Variants in ADAMTSL1 observed in about 807,000 individuals in gnomAD.
ADAMTSL1 encodes ADAMTS-like protein 1.
A neutral mutation model predicts 201.8 loss-of-function variants in ADAMTSL1; 126 were observed. The ratio of observed to expected loss-of-function variants is 0.62; its 90% CI spans 0.54 to 0.72. The LOEUF is 0.72. ADAMTSL1 is among the 30% of genes least tolerant of loss of function. The probability of loss-of-function intolerance (pLI) is 0.00; values close to 1 mark genes in which losing one functional copy is unlikely to be tolerated. For missense variants in ADAMTSL1, 2,679 were observed against 2,277.8 expected, an observed-to-expected ratio of 1.18 and a Z score of -3.59; for synonymous variants, 1,121 against 903.4, an observed-to-expected ratio of 1.24 and a Z score of -4.32.
intron 2 of ADAMTSL1, among the ~76,000 whole-genome samples, chr9:18,230,619 GAGA>G (rs1018127520): frequency 2.0e-5 from 3 of 152,054 alleles, no homozygotes; most frequent in African/African-American, 7.2e-5. Flanking sequence ...CTAAAATCTA[GAGA>G]AGAATTACTC....
Position 18,721,626 on chromosome 9 carries a change from A to G in ADAMTSL1, c.1967A>G (p.Gln656Arg), listed in dbSNP as rs1833384651. 1 of 1,613,850 alleles carries G rather than the reference A, an allele frequency of 6.2e-7. No homozygotes were observed. The highest frequency in any genetic ancestry group is 2.2e-5 in the East Asian group (1 of 44,888). Reference sequence around the variant, plus strand: ...TGCGTGACCAGCCGCCGGCCCCCACAGCTCCTGAAGTCCTGCAATTTGGAT... The same window carrying G: ...TGCGTGACCAGCCGCCGGCCCCCACGGCTCCTGAAGTCCTGCAATTTGGAT... Reference protein sequence around the residue: ...NLCVTSRRPPQLLKSCNLDPC... With the variant: ...NLCVTSRRPPRLLKSCNLDPC... The change falls in exon 15 of 29, where the codon CAG (glutamine) becomes CGG (arginine). Residue 656 changes from glutamine (Q) to arginine (R), a missense_variant. Gln to Arg is a conservative substitution (Grantham distance 43). Transcript: ENST00000380548.
intron 2 of ADAMTSL1, among the ~76,000 whole-genome samples, chr9:18,329,045 C>T (rs1834933947): frequency 6.6e-6 from 1 of 152,072 alleles, no homozygotes; most frequent in African/African-American, 2.4e-5. Flanking sequence ...AAAGCTCATC[C>T]CCAGTGTGAG....
intron 2 of ADAMTSL1, among the ~76,000 whole-genome samples, chr9:18,314,608 C>T (rs1834289826): frequency 1.3e-5 from 2 of 151,802 alleles, no homozygotes; most frequent in Non-Finnish European, 2.9e-5. Flanking sequence ...TTCATGGTCT[C>T]GCTGGCCTCA....
chr9:18,534,794 C>A (rs1281178974), intron 3 of ADAMTSL1, among the ~76,000 whole-genome samples: 3 of 152,208 alleles, frequency 2.0e-5, no homozygotes, highest in Non-Finnish European at 4.4e-5. Context: ...GGGCTTGCAC[C>A]CCCTAAAGCA....
chr9:18,038,906 G>A (rs1377068729), intron 1 of ADAMTSL1, among the ~76,000 whole-genome samples: 1 of 152,176 alleles, frequency 6.6e-6, no homozygotes, highest in African/African-American at 2.4e-5. Context: ...TTCTGCCACA[G>A]TAATTACCAG....
At chr9:18,730,112 A>G (rs1818124616) in intron 15 of ADAMTSL1, among the ~76,000 whole-genome samples, 1 of 152,168 alleles carries the variant, frequency 6.6e-6, no homozygotes, top group African/African-American at 2.4e-5. Flanking sequence ...AGCAGGCAAT[A>G]ATTTGGCTGA....
chr9:18,211,452 T>A (rs1340463296), intron 2 of ADAMTSL1, among the ~76,000 whole-genome samples: 6 of 152,214 alleles, frequency 3.9e-5, no homozygotes, highest in African/African-American at 1.4e-4. Flanking sequence ...TATCTGTTTA[T>A]TTTTGTATCT....
At chr9:17,908,870 G>C (rs1050097115) in intron 1 of ADAMTSL1, among the ~76,000 whole-genome samples, 3 of 152,094 alleles carry the variant, frequency 2.0e-5, no homozygotes, top group African/African-American at 7.2e-5. Flanking sequence ...GGTATTTCTA[G>C]TTCTAGGTCC....
rs5896779 is a variant in ADAMTSL1 at position 18,244,112 on chromosome 9, C to CGT, written c.207+80147_207+80148dup. On this transcript the variant is annotated intron_variant, in intron 2 of 29. Coordinates refer to the ADAMTSL1 transcript ENST00000680146. ...TTGTGTGTGTGTGTGTGTGTGTGTACGTGTGTGTGTGTGTGTGGCCAATTC... is the reference window on the plus strand; with the variant it reads ...TTGTGTGTGTGTGTGTGTGTGTGTACGTGTGTGTGTGTGTGTGTGGCCAATTC... 5.1e-4 allele frequency among the ~76,000 whole-genome samples: 75 copies of CGT among 148,306 alleles called. No homozygotes were observed. The East Asian group carries it at 6.1e-3, about 12-fold the overall frequency.
chr9:18,062,171 C>T (rs911881524), intron 1 of ADAMTSL1, among the ~76,000 whole-genome samples: 19 of 152,128 alleles, frequency 1.2e-4, no homozygotes, highest in Non-Finnish European at 2.9e-5. Context: ...AATATTTCAA[C>T]CTTAGTGATT....
chr9:18,641,877 G>C (rs1159844292), intron 7 of ADAMTSL1, among the ~76,000 whole-genome samples: 1 of 151,710 alleles, frequency 6.6e-6, no homozygotes, highest in Non-Finnish European at 1.5e-5. Flanking sequence ...TCAAAGTATA[G>C]TCTCTTTTGC....
At chr9:18,125,365 C>A (rs1238810702) in intron 1 of ADAMTSL1, among the ~76,000 whole-genome samples, 2 of 152,144 alleles carry the variant, frequency 1.3e-5, no homozygotes, top group African/African-American at 4.8e-5. Flanking sequence ...CTCCCACGAC[C>A]ATGTGGGAGT....
intron 2 of ADAMTSL1, among the ~76,000 whole-genome samples, chr9:18,525,062 G>A (rs1217099243): frequency 6.6e-6 from 1 of 152,086 alleles, no homozygotes; most frequent in Non-Finnish European, 1.5e-5. Flanking sequence ...CTGTGAATCT[G>A]TCTGGTCCTG....
At chr9:18,735,751 T>TTCTTTTCTTC (rs1358711047) in intron 15 of ADAMTSL1, among the ~76,000 whole-genome samples, 1 of 142,292 alleles carries the variant, frequency 7.0e-6, no homozygotes, top group African/African-American at 2.6e-5. Flanking sequence ...CTTTTTTCTT[T>TTCTTTTCTTC]TTTTTTTTTT....
At chr9:18,062,916 T>G (rs1822524916) in intron 1 of ADAMTSL1, among the ~76,000 whole-genome samples, 1 of 152,266 alleles carries the variant, frequency 6.6e-6, no homozygotes. Context: ...TTAGTAATTT[T>G]GTTTCTTGGT....
At chr9:18,815,348 T>C (rs960205364) in intron 20 of ADAMTSL1, among the ~76,000 whole-genome samples, 12 of 150,954 alleles carry the variant, frequency 7.9e-5, no homozygotes, top group Admixed American at 5.9e-4. Flanking sequence ...AAATATGGTA[T>C]ATATGTACAG....
chr9:18,233,671 C>G (rs1300320435), intron 2 of ADAMTSL1, among the ~76,000 whole-genome samples: 2 of 151,866 alleles, frequency 1.3e-5, no homozygotes, highest in South Asian at 4.1e-4. Context: ...CCTTGAACAC[C>G]TTATTGGAAA....
At chr9:18,351,134 G>T (rs1269745034) in intron 2 of ADAMTSL1, among the ~76,000 whole-genome samples, 1 of 151,840 alleles carries the variant, frequency 6.6e-6, no homozygotes, top group Non-Finnish European at 1.5e-5. Flanking sequence ...AGTTTGAAAT[G>T]AATGCCTTGC....
chr9:18,175,071 G>A (rs1311865229), intron 2 of ADAMTSL1, among the ~76,000 whole-genome samples: 2 of 152,154 alleles, frequency 1.3e-5, no homozygotes, highest in Non-Finnish European at 2.9e-5. Context: ...TTGAAAATGT[G>A]GGATTTGATA....
Sources: allele counts gnomAD v4.1 joint callset (sites outside exome capture counted in the v4.1 genomes callset), GRCh38; gene constraint gnomAD v4.1.1; transcripts MANE v1.5; gene names NCBI Gene and HGNC (gene_info 2026-07-23, HGNC 2026-07-21).